Variants in COL13A1 observed in about 807,000 individuals in gnomAD.
COL13A1 encodes collagen type XIII alpha 1 chain.
COL13A1 carries 89 observed loss-of-function variants against 130.9 expected under a neutral mutation model. The ratio of observed to expected loss-of-function variants is 0.68; its 90% CI spans 0.57 to 0.81. The LOEUF (loss-of-function observed/expected upper bound fraction) is 0.81, where lower values mean the gene tolerates loss of function less well. COL13A1 is among the 30% of genes least tolerant of loss of function. The pLI, the probability that COL13A1 is intolerant of heterozygous loss-of-function variation, is 0.00. For missense variants in COL13A1, 879 were observed against 934.6 expected, an observed-to-expected ratio of 0.94 and a Z score of 0.78; for synonymous variants, 402 against 341.6, an observed-to-expected ratio of 1.18 and a Z score of -1.95.
At chr10:69,875,541 C>T (rs192806978) in intron 5 of COL13A1, among the ~76,000 whole-genome samples, 28 of 152,364 alleles carry the variant, frequency 1.8e-4, no homozygotes, top group African/African-American at 6.0e-4. Context: ...TTCACAGCTG[C>T]TCCTGCAACC....
At chr10:69,902,677 T>C in intron 14 of COL13A1, 71 bp from the exon 15 acceptor site, 2 of 1,288,426 alleles carry the variant, frequency 1.6e-6, no homozygotes, top group South Asian at 1.4e-5. Flanking sequence ...ACTGGGTGCA[T>C]GGCCTGAGGG....
chr10:69,928,706 C>T (rs1471110282), intron 27 of COL13A1, among the ~76,000 whole-genome samples: 1 of 152,206 alleles, frequency 6.6e-6, no homozygotes, highest in Non-Finnish European at 1.5e-5. Flanking sequence ...GGGTATTGGA[C>T]ATGGCTCTCC....
intron 2 of COL13A1, among the ~76,000 whole-genome samples, chr10:69,843,027 G>A (rs1457783949): frequency 6.6e-6 from 1 of 152,236 alleles, no homozygotes; most frequent in Non-Finnish European, 1.5e-5. Flanking sequence ...TTCTCCGGCT[G>A]CTGAGCCTAA....
At chr10:69,826,276 C>G (rs940574962) in intron 2 of COL13A1, among the ~76,000 whole-genome samples, 1 of 152,156 alleles carries the variant, frequency 6.6e-6, no homozygotes, top group Non-Finnish European at 1.5e-5. Context: ...AAGGATGACA[C>G]GTTTTTCACC....
At chr10:69,925,046 GCTGGT>G in intron 25 of COL13A1, 39 bp downstream of exon 25, 1 of 1,497,420 alleles carries the variant, frequency 6.7e-7, no homozygotes, top group South Asian at 1.4e-5. Flanking sequence ...GCGTGAAGCG[GCTGGT>G]AAATCAAAAA....
intron 2 of COL13A1, among the ~76,000 whole-genome samples, chr10:69,857,941 C>A (rs1316045940): frequency 1.3e-5 from 2 of 151,966 alleles, no homozygotes; most frequent in African/African-American, 2.4e-5. Context: ...TATGGTGAAA[C>A]CCTGTCTCTA....
intron 2 of COL13A1, among the ~76,000 whole-genome samples, chr10:69,847,106 C>G (rs923377983): frequency 2.6e-5 from 4 of 152,216 alleles, no homozygotes; most frequent in Admixed American, 6.5e-5. Flanking sequence ...TCCTCCTCAT[C>G]ATAGCTTCCA....
intron 1 of COL13A1, among the ~76,000 whole-genome samples, chr10:69,817,534 T>A (rs1187261868): frequency 6.6e-6 from 1 of 152,020 alleles, no homozygotes; most frequent in African/African-American, 2.4e-5. Flanking sequence ...GTTTGAGATC[T>A]GGATCATGAA....
chr10:69,876,826 C>T (rs1234527949), intron 5 of COL13A1, among the ~76,000 whole-genome samples: 1 of 152,164 alleles, frequency 6.6e-6, no homozygotes, highest in Non-Finnish European at 1.5e-5. Flanking sequence ...CTGTGGGACC[C>T]CAAAGTCCCT....
At chr10:69,919,857 G>A (rs1311510100) in intron 21 of COL13A1, 130 bp downstream of exon 21, 1 of 397,182 alleles carries the variant, frequency 2.5e-6, no homozygotes, top group Non-Finnish European at 4.4e-6. Flanking sequence ...GAGATGAGGG[G>A]AGTGGCAGGA....
intron 2 of COL13A1, among the ~76,000 whole-genome samples, chr10:69,830,559 A>T (rs1848571693): frequency 6.6e-6 from 1 of 152,082 alleles, no homozygotes; most frequent in Non-Finnish European, 1.5e-5. Flanking sequence ...ATCTTCAACA[A>T]CTATATGCAT....
At chr10:69,831,373 G>A (rs1848783952) in intron 2 of COL13A1, among the ~76,000 whole-genome samples, 1 of 152,196 alleles carries the variant, frequency 6.6e-6, no homozygotes, top group South Asian at 2.1e-4. Context: ...TCCTCTGCCT[G>A]TGCTCAGTGT....
chr10:69,940,603 C>A (rs2067486985), intron 34 of COL13A1, among the ~76,000 whole-genome samples: 1 of 152,166 alleles, frequency 6.6e-6, no homozygotes, highest in African/African-American at 2.4e-5. Context: ...GGGAAGGGTG[C>A]ACAGCTCTGA....
At chr10:69,860,476 G>A (rs1302587215) in intron 2 of COL13A1, among the ~76,000 whole-genome samples, 2 of 152,210 alleles carry the variant, frequency 1.3e-5, no homozygotes, top group Non-Finnish European at 2.9e-5. Flanking sequence ...AAATAATTCT[G>A]AGGAACTCAG....
intron 39 of COL13A1, among the ~76,000 whole-genome samples, chr10:69,953,704 G>A (rs570336644): frequency 1.3e-5 from 2 of 152,360 alleles, no homozygotes; most frequent in East Asian, 1.9e-4. Flanking sequence ...AAGTGAGTCT[G>A]TAGAGAGAGG....
chr10:69,884,379 T>A (rs552296779), intron 7 of COL13A1, among the ~76,000 whole-genome samples: 12 of 152,328 alleles, frequency 7.9e-5, no homozygotes, highest in Admixed American at 7.8e-4. Context: ...GTTAAACATT[T>A]GCCGGCAAGG....
chr10:69,951,113 T>A (rs910984529), intron 38 of COL13A1, among the ~76,000 whole-genome samples: 1 of 152,152 alleles, frequency 6.6e-6, no homozygotes, highest in Non-Finnish European at 1.5e-5. Context: ...CCTCCCAAAG[T>A]GCTGGGATTA....
At chr10:69,926,081 G>C in intron 26 of COL13A1, 1 of 553,248 alleles carries the variant, frequency 1.8e-6, no homozygotes, top group East Asian at 3.0e-5. Context: ...CTGGCATCCA[G>C]GTGGCCGGGG....
intron 1 of COL13A1, among the ~76,000 whole-genome samples, chr10:69,813,695 G>C (rs532875695): frequency 2.1e-4 from 32 of 152,156 alleles, no homozygotes; most frequent in Non-Finnish European, 3.4e-4. Flanking sequence ...CAGTTCTGGT[G>C]GGTGTGGGTT....
Sources: gnomAD v4.1 joint callset for allele counts (sites outside exome capture counted in the v4.1 genomes callset) on GRCh38, gnomAD v4.1.1 for gene constraint, MANE v1.5 for transcripts, NCBI Gene and HGNC (gene_info 2026-07-23, HGNC 2026-07-21) for gene names.